Variants in TLX1 observed in about 807,000 individuals in gnomAD.
The protein encoded by TLX1 is T cell leukemia homeobox 1.
In TLX1, 6 loss-of-function variants were observed where a neutral mutation model predicts 26.5. That is an observed-to-expected ratio of 0.23 (90% confidence interval 0.12 to 0.45). The LOEUF is 0.45. Ranked by LOEUF, TLX1 falls within the 20% of genes least tolerant of loss-of-function variation. The pLI, the probability that TLX1 is intolerant of heterozygous loss-of-function variation, is 0.99. For synonymous variants in TLX1, 217 were observed against 219.7 expected, an observed-to-expected ratio of 0.99 and a Z score of 0.11; for missense variants, 418 against 482.6, an observed-to-expected ratio of 0.87 and a Z score of 1.25.
intron 2 of TLX1, 25 bp from the exon 3 acceptor site, chr10:101,136,666 A>C: frequency 6.2e-7 from 1 of 1,612,906 alleles, no homozygotes; most frequent in East Asian, 2.2e-5. Context: ...TGCTCCTGGC[A>C]GGTAACGGCT....
rs1176619180 is a variant in TLX1 at position 101,137,575 on chromosome 10, C to G, written c.*662C>G. ...CACAACAGCCAACAGCTACAACAGC[C>G]TCACTTGGTCTGCCAGGCCCCCACC... is the stretch of plus-strand genomic sequence containing the variant. On this transcript the variant is annotated 3_prime_UTR_variant, in exon 3 of 3. Coordinates refer to ENST00000370196, the MANE Select transcript of TLX1 (RefSeq NM_005521.4). The G allele has an allele frequency of 8.5e-6, 2 of 234,432 alleles. No homozygotes were observed. Among genetic ancestry groups the G allele is most frequent in the Non-Finnish European group, 1.7e-5 (2 of 118,822 alleles). 14.5% of individuals were successfully genotyped at this position (234,432 alleles called of 1,614,324 possible).
Position 101,132,251 on chromosome 10 carries a change from G to T in TLX1, c.568+142G>T, listed in dbSNP as rs1039845753. On this transcript the variant is annotated intron_variant, in intron 1 of 2. Transcript: ENST00000370196. This position sits in a 1 kb window ranked among gnomAD's most constrained non-coding sequence, Gnocchi z 4.1. ...GTGCTTCCCCCAAGTTGAGCCGCCC[G>T]CCCGATTCTATAACGCAGACTCGCC... 1.4e-5 allele frequency: 10 copies of T among 695,672 alleles called. No homozygotes were observed. The highest frequency in any genetic ancestry group is 2.0e-5 in the Non-Finnish European group (10 of 491,596). The allele number at this position is 695,672 out of a possible 1,614,324, so 43.1% of individuals were successfully genotyped here.
At position 101,132,217 on chromosome 10, in the gene TLX1, C is replaced by A; in HGVS notation, c.568+108C>A. 3 of 1,039,666 alleles carry A rather than the reference C, an allele frequency of 2.9e-6. No homozygotes were observed. Among genetic ancestry groups the A allele is most frequent in the Non-Finnish European group, 3.7e-6 (3 of 802,564 alleles). 64.4% of individuals were successfully genotyped at this position (1,039,666 alleles called of 1,614,324 possible). A position where few individuals can be genotyped will look rare whatever the true frequency, so the allele number is the denominator to read the frequency against. ...CGGTTCTGCGCTCCAGGTCGCCCAG[C>A]TCTTCTTGGTGCTTCCCCCAAGTTG... On this transcript the variant is annotated intron_variant, in intron 1 of 2. Coordinates refer to ENST00000370196, the MANE Select transcript of TLX1 (RefSeq NM_005521.4). This position sits in a 1 kb window ranked among gnomAD's most constrained non-coding sequence, Gnocchi z 4.1.
intron 2 of TLX1, 26 bp from the exon 3 acceptor site, chr10:101,136,665 C>T (rs1383616310): frequency 1.2e-6 from 2 of 1,612,838 alleles, no homozygotes; most frequent in East Asian, 4.5e-5. Flanking sequence ...GTGCTCCTGG[C>T]AGGTAACGGC....
At position 101,131,760 on chromosome 10, in the gene TLX1, C is replaced by T; in HGVS notation, c.219C>T (p.Ala73=). ...AAATGAGGAG[A]YGTGGPGGPG... ...CGACGGGGGCTGGAGGAGCGGGGGC[C>T]TATGGTACTGGAGGTCCCGGCGGCC... is the stretch of plus-strand genomic sequence containing the variant. The change falls in exon 1 of 3, where the codon GCC becomes GCT. Residue 73 remains alanine, a synonymous_variant. Transcript: ENST00000370196. 7.1e-7 allele frequency: 1 copy of T among 1,414,176 alleles called. No homozygotes were observed. Among genetic ancestry groups the T allele is most frequent in the Non-Finnish European group, 9.2e-7 (1 of 1,090,698 alleles). The allele number at this position is 1,414,176 out of a possible 1,614,324, so 87.6% of individuals were successfully genotyped here.
chr10:101,133,573 G>T (rs1393397142), intron 1 of TLX1, among the ~76,000 whole-genome samples: 1 of 152,220 alleles, frequency 6.6e-6, no homozygotes, highest in African/African-American at 2.4e-5. Context: ...TCGGTTTAGG[G>T]CCTACCGCGG....
chr10:101,136,375 C>T (rs1940294324), intron 2 of TLX1, among the ~76,000 whole-genome samples: 2 of 152,194 alleles, frequency 1.3e-5, no homozygotes, highest in Non-Finnish European at 2.9e-5. Context: ...GCCATCCTAC[C>T]CCGGCTGCCC....
rs901372893 is a variant in TLX1 at position 101,131,930 on chromosome 10, G to C, written c.389G>C (p.Gly130Ala). The C allele has an allele frequency of 6.3e-6, 9 of 1,424,060 alleles. No homozygotes were observed. In the East Asian group the frequency reaches 1.2e-4, roughly 19 times the overall value. 88.2% of individuals were successfully genotyped at this position (1,424,060 alleles called of 1,614,324 possible). The change falls in exon 1 of 3, where the codon GGG (glycine) becomes GCG (alanine). Residue 130 changes from glycine to alanine, a missense_variant. This residue lies in a region of TLX1 where 322 missense variants were observed against 344.6 expected (regional missense o/e 0.93). Coordinates refer to ENST00000370196, the MANE Select transcript of TLX1 (RefSeq NM_005521.4). Reference sequence around the variant, plus strand: ...GGTGCCGGGGCACTCAGCGCTGCGGGGGTAATCCGGGTGCCGGCACACAGG... The same window carrying C: ...GGTGCCGGGGCACTCAGCGCTGCGGCGGTAATCCGGGTGCCGGCACACAGG... The part of the protein sequence containing the change: ...SGGAGALSAA[G>A]VIRVPAHRPL...
In TLX1 at chr10:101,134,206, G is replaced by A. The variant is rs7090185; in HGVS notation, c.600G>A (p.Lys200=). ...GHPYQNRTPP[K]KKKPRTSFTR... is the part of the protein sequence containing the mutation. ...CCTATCAGAACCGGACGCCCCCCAAGAAGAAGAAGCCGCGCACGTCCTTCA... is the reference window on the plus strand; with the variant it reads ...CCTATCAGAACCGGACGCCCCCCAAAAAGAAGAAGCCGCGCACGTCCTTCA... Residue 200 remains lysine (K), a synonymous_variant, in exon 2 of 3, where the codon AAG becomes AAA. Coordinates refer to ENST00000370196, the MANE Select transcript of TLX1 (RefSeq NM_005521.4). 4.0e-4 allele frequency: 645 copies of A among 1,609,092 alleles called. 3 individuals are homozygous for A. In the African/African-American group the frequency reaches 8.0e-3, roughly 20 times the overall value.
rs557359691 is a variant in TLX1 at position 101,134,448 on chromosome 10, C to G, written c.770+72C>G. On this transcript the variant is annotated intron_variant, in intron 2 of 2. Coordinates refer to ENST00000370196, the MANE Select transcript of TLX1 (RefSeq NM_005521.4). ...GGCAGCTCTCGGTTCATTGGCCTCT[C>G]GTGGGGCGCACATACTTTTTCCGCT... The G allele has an allele frequency of 1.1e-5, 16 of 1,403,890 alleles. No individual in the cohort carries two copies. The Admixed American group carries it at 3.4e-4, about 30-fold the overall frequency. The allele number at this position is 1,403,890 out of a possible 1,614,324, so 87.0% of individuals were successfully genotyped here. A position where few individuals can be genotyped will look rare whatever the true frequency, so the allele number is the denominator to read the frequency against.
chr10:101,137,301 T>A lies in TLX1; in HGVS notation c.*388T>A, dbSNP rs1160431982. On this transcript the variant is annotated 3_prime_UTR_variant, in exon 3 of 3. Transcript: ENST00000370196. ...GGGAAACCCCTTCTCTGTGACCCAC[T>A]TCTCATCACACACATGGAAACCCAT... 3.1e-6 allele frequency: 1 copy of A among 322,422 alleles called. No homozygotes were observed. The highest frequency in any genetic ancestry group is 5.6e-5 in the South Asian group (1 of 17,748). 20.0% of individuals were successfully genotyped at this position (322,422 alleles called of 1,614,324 possible).
Position 101,131,831 on chromosome 10 carries a change from T to C in TLX1, c.290T>C (p.Leu97Pro). 1 of 1,405,624 alleles carries C rather than the reference T, an allele frequency of 7.1e-7. No individual in the cohort carries two copies. The highest frequency in any genetic ancestry group is 1.6e-5 in the South Asian group (1 of 62,380). The allele number at this position is 1,405,624 out of a possible 1,614,324, so 87.1% of individuals were successfully genotyped here. ...GGGGACSMGP[L>P]TGSYNVNMAL... is the part of the protein sequence containing the mutation. Reference sequence around the variant, plus strand: ...GGCGGCGCCTGCAGCATGGGTCCTCTGACCGGCTCCTACAACGTGAACATG... The same window carrying C: ...GGCGGCGCCTGCAGCATGGGTCCTCCGACCGGCTCCTACAACGTGAACATG... The change falls in exon 1 of 3, where the codon CTG (leucine) becomes CCG (proline). Residue 97 changes from leucine to proline, a missense_variant. Around this residue, in one of 3 missense-constraint regions of TLX1, gnomAD observed 322 missense variants for 344.6 expected, o/e 0.93. Transcript: ENST00000370196.
chr10:101,137,257 T>C lies in TLX1; in HGVS notation c.*344T>C. 2.8e-6 allele frequency: 1 copy of C among 354,606 alleles called. No homozygotes were observed. The highest frequency in any genetic ancestry group is 5.2e-6 in the Non-Finnish European group (1 of 193,138). 22.0% of individuals were successfully genotyped at this position (354,606 alleles called of 1,614,324 possible). On this transcript the variant is annotated 3_prime_UTR_variant, in exon 3 of 3. Coordinates refer to ENST00000370196, the MANE Select transcript of TLX1 (RefSeq NM_005521.4). ...GAGGAGCTTCTGGGGTCCCCAGGGC[T>C]GTCATCTGAATTTGCCCTGGGAAAC...
In TLX1 at chr10:101,131,927, C is replaced by CG; in HGVS notation, c.391dup (p.Val131GlyfsTer50). Reference sequence around the variant, plus strand: ...GGCGGTGCCGGGGCACTCAGCGCTGCGGGGGTAATCCGGGTGCCGGCACAC... The same window carrying CG: ...GGCGGTGCCGGGGCACTCAGCGCTGCGGGGGGTAATCCGGGTGCCGGCACAC... On this transcript the variant is annotated frameshift_variant, in exon 1 of 3. Coordinates refer to ENST00000370196, the MANE Select transcript of TLX1 (RefSeq NM_005521.4). LOFTEE classifies it high-confidence loss of function. The CG allele has an allele frequency of 7.0e-7, 1 of 1,419,110 alleles. No homozygotes were observed. The allele number at this position is 1,419,110 out of a possible 1,614,324, so 87.9% of individuals were successfully genotyped here. A position where few individuals can be genotyped will look rare whatever the true frequency, so the allele number is the denominator to read the frequency against.
chr10:101,134,520 G>A, intron 2 of TLX1, 144 bp downstream of exon 2: 1 of 995,744 alleles, frequency 1.0e-6, no homozygotes, highest in Non-Finnish European at 1.4e-6. Context: ...CTAGGCTTGC[G>A]GGGAGCTGGA....
In TLX1 at chr10:101,131,968, G is replaced by T; in HGVS notation, c.427G>T (p.Ala143Ser). 6.6e-7 allele frequency: 1 copy of T among 1,505,770 alleles called. No individual in the cohort carries two copies. The highest frequency in any genetic ancestry group is 2.7e-5 in the East Asian group (1 of 36,822). 93.3% of individuals were successfully genotyped at this position (1,505,770 alleles called of 1,614,324 possible). Residue 143 changes from alanine (A) to serine (S), a missense_variant, in exon 1 of 3, where the codon GCC (alanine) becomes TCC (serine). Coordinates refer to ENST00000370196, the MANE Select transcript of TLX1 (RefSeq NM_005521.4). ...GCCGGCACACAGGCCGCTCGCCGGA[G>T]CCGTGGCCCACCCCCAGCCCCTGGC... ...RVPAHRPLAGAVAHPQPLATG... is the reference protein window; with the variant it reads ...RVPAHRPLAGSVAHPQPLATG...
At chr10:101,135,127 C>A (rs1410534338) in intron 2 of TLX1, among the ~76,000 whole-genome samples, 1 of 152,112 alleles carries the variant, frequency 6.6e-6, no homozygotes, top group Non-Finnish European at 1.5e-5. Context: ...CGAGCAGCCT[C>A]CCTCTCCGCG....
At chr10:101,134,415 C>A (rs544967596) in intron 2 of TLX1, 39 bp downstream of exon 2, 1 of 1,496,728 alleles carries the variant, frequency 6.7e-7, no homozygotes. Context: ...GCGAGCGGCG[C>A]GGTCTCAGGC....
Position 101,136,983 on chromosome 10 carries a change from C to A in TLX1, c.*70C>A. On this transcript the variant is annotated 3_prime_UTR_variant, in exon 3 of 3. Coordinates refer to ENST00000370196, the MANE Select transcript of TLX1 (RefSeq NM_005521.4). ...CACTGAGGCCTGAGACCCAGGACTC[C>A]TCCCCACCCTCCTGGCCTCAGACTG... is the stretch of plus-strand genomic sequence containing the variant. The A allele has an allele frequency of 1.3e-6, 2 of 1,560,150 alleles. No homozygotes were observed. The highest frequency in any genetic ancestry group is 1.7e-6 in the Non-Finnish European group (2 of 1,147,224).
Sources: gnomAD v4.1 joint callset for allele counts (sites outside exome capture counted in the v4.1 genomes callset) on GRCh38, gnomAD v4.1.1 for gene constraint, gnomAD v4.1.1 regional missense constraint, Gnocchi (gnomAD v3.1) non-coding constraint, MANE v1.5 for transcripts, NCBI Gene and HGNC (gene_info 2026-07-23, HGNC 2026-07-21) for gene names.